ZDHHC14: variants seen among roughly 807,000 people sequenced by gnomAD.
The protein encoded by ZDHHC14 is zDHHC palmitoyltransferase 14, also known as palmitoyltransferase ZDHHC14.
A neutral mutation model predicts 47.7 loss-of-function variants in ZDHHC14; 16 were observed. The observed-to-expected ratio is 0.34, with a 90% CI of 0.23 to 0.51. The LOEUF is 0.51. Among genes scored for constraint, ZDHHC14 ranks in the 20% least tolerant of loss-of-function variants. ZDHHC14 has a pLI of 0.97. For synonymous variants in ZDHHC14, 293 were observed against 278.9 expected (o/e 1.05, Z -0.50); for missense variants, 515 against 662.5 (o/e 0.78, Z 2.44).
At chr6:157,479,186 A>C (rs1779560400) in intron 1 of ZDHHC14, among the ~76,000 whole-genome samples, 1 of 152,218 alleles carries the variant, frequency 6.6e-6, no homozygotes, top group Non-Finnish European at 1.5e-5. Flanking sequence ...GGCAAGTTAC[A>C]TACCCACTCT....
At chr6:157,608,416 C>T (rs942463582) in intron 3 of ZDHHC14, among the ~76,000 whole-genome samples, 10 of 151,910 alleles carry the variant, frequency 6.6e-5, no homozygotes, top group African/African-American at 1.2e-4. Context: ...AGTGACACAA[C>T]GGCAAAGTCC....
intron 1 of ZDHHC14, among the ~76,000 whole-genome samples, chr6:157,487,788 TGGCAGCCTC>T (rs1779818057): frequency 6.6e-6 from 1 of 152,202 alleles, no homozygotes; most frequent in Non-Finnish European, 1.5e-5. Context: ...GGACCCAGAC[TGGCAGCCTC>T]GGCAGCCTCA....
At chr6:157,487,310 C>A (rs1157455233) in intron 1 of ZDHHC14, among the ~76,000 whole-genome samples, 1 of 152,216 alleles carries the variant, frequency 6.6e-6, no homozygotes, top group Non-Finnish European at 1.5e-5. Context: ...TCAGCTGATC[C>A]ATTCTGCTGG....
intron 1 of ZDHHC14, among the ~76,000 whole-genome samples, chr6:157,429,628 A>G (rs1295758701): frequency 6.6e-6 from 1 of 151,670 alleles, no homozygotes; most frequent in Non-Finnish European, 1.5e-5. Context: ...AGGAGGGGAA[A>G]GAAGGAAGGA....
chr6:157,392,878 T>C (rs1030678688), intron 1 of ZDHHC14, among the ~76,000 whole-genome samples: 4 of 152,138 alleles, frequency 2.6e-5, no homozygotes, highest in Non-Finnish European at 5.9e-5. Flanking sequence ...ACAATTTTTT[T>C]TAATTATTTT....
chr6:157,499,844 C>T (rs771647254), intron 1 of ZDHHC14, among the ~76,000 whole-genome samples: 1 of 152,150 alleles, frequency 6.6e-6, no homozygotes, highest in South Asian at 2.1e-4. Context: ...GGAGACAAAT[C>T]GATTGATTGA....
At chr6:157,413,557 ATC>A (rs1250996591) in intron 1 of ZDHHC14, among the ~76,000 whole-genome samples, 2 of 150,492 alleles carry the variant, frequency 1.3e-5, no homozygotes, top group African/African-American at 4.9e-5. Flanking sequence ...TTTTAAAGGT[ATC>A]TCTGTTTTAA....
intron 1 of ZDHHC14, among the ~76,000 whole-genome samples, chr6:157,458,053 T>C (rs1665022529): frequency 1.3e-5 from 2 of 152,234 alleles, no homozygotes; most frequent in South Asian, 2.1e-4. Context: ...CCACTTTCCA[T>C]CCCATACTCT....
At chr6:157,445,111 C>CAA (rs1778636033) in intron 1 of ZDHHC14, among the ~76,000 whole-genome samples, 1 of 132,648 alleles carries the variant, frequency 7.5e-6, no homozygotes, top group Non-Finnish European at 1.6e-5. Context: ...ATATTACACA[C>CAA]ACACACACAC....
At chr6:157,584,397 T>C (rs759910949) in intron 2 of ZDHHC14, among the ~76,000 whole-genome samples, 1 of 152,232 alleles carries the variant, frequency 6.6e-6, no homozygotes, top group African/African-American at 2.4e-5. Flanking sequence ...GCTGCAATGG[T>C]AGGAAAGAAT....
intron 1 of ZDHHC14, among the ~76,000 whole-genome samples, chr6:157,522,246 T>C (rs1392413857): frequency 1.3e-5 from 2 of 152,184 alleles, no homozygotes; most frequent in Non-Finnish European, 2.9e-5. Context: ...TCCTCCCTTC[T>C]AGATACAAAT....
At chr6:157,462,758 A>C (rs962470926) in intron 1 of ZDHHC14, among the ~76,000 whole-genome samples, 3 of 152,208 alleles carry the variant, frequency 2.0e-5, no homozygotes, top group African/African-American at 4.8e-5. Context: ...TCTCTGTTTG[A>C]AGTGCCCAGC....
chr6:157,559,461 A>G (rs1209926710), intron 2 of ZDHHC14, among the ~76,000 whole-genome samples: 2 of 152,242 alleles, frequency 1.3e-5, no homozygotes, highest in East Asian at 3.8e-4. Flanking sequence ...CATTGGCTTT[A>G]GAGCTGAGTT....
chr6:157,583,997 G>A (rs939060038), intron 2 of ZDHHC14, among the ~76,000 whole-genome samples: 1 of 152,026 alleles, frequency 6.6e-6, no homozygotes, highest in Non-Finnish European at 1.5e-5. Flanking sequence ...GGGTCCCAGG[G>A]GAGACAGCCT....
chr6:157,513,165 C>T (rs756792984), intron 1 of ZDHHC14, among the ~76,000 whole-genome samples: 5 of 152,320 alleles, frequency 3.3e-5, no homozygotes, highest in South Asian at 2.1e-4. Context: ...TCAGCTTGTT[C>T]GTGACGTCTC....
intron 1 of ZDHHC14, among the ~76,000 whole-genome samples, chr6:157,412,015 G>T: frequency 7.0e-6 from 1 of 142,740 alleles, no homozygotes; most frequent in Non-Finnish European, 1.5e-5. Context: ...CTCGGCTCAT[G>T]GCAACCTCCA....
At chr6:157,584,676 C>T (rs1350894675) in intron 2 of ZDHHC14, among the ~76,000 whole-genome samples, 1 of 152,174 alleles carries the variant, frequency 6.6e-6, no homozygotes, top group Non-Finnish European at 1.5e-5. Flanking sequence ...AAACAATTGT[C>T]AACGGGCAGC....
chr6:157,498,023 A>G (rs1038838211), intron 1 of ZDHHC14, among the ~76,000 whole-genome samples: 2 of 152,368 alleles, frequency 1.3e-5, no homozygotes, highest in South Asian at 4.1e-4. Context: ...TTAACGTGGA[A>G]AACTCTGCTT....
rs986532266 is a variant in ZDHHC14, at chr6:157,597,143, T to C, written c.565+3997T>C. 6.6e-5 allele frequency among the ~76,000 whole-genome samples: 10 copies of C among 152,276 alleles called. No homozygotes were observed. In the South Asian group the frequency reaches 1.7e-3, roughly 25 times the overall value. On this transcript the variant is annotated intron_variant, in intron 3 of 8. Coordinates refer to ENST00000359775, the MANE Select transcript of ZDHHC14 (RefSeq NM_024630.3). The stretch of plus-strand genomic sequence containing the variant: ...GGTTGTTTATTTATCCAGGCGGGCT[T>C]TGAGGTTACGGAATATTTTTAAACA...
Sources: allele counts gnomAD v4.1 joint callset (sites outside exome capture counted in the v4.1 genomes callset), GRCh38; gene constraint gnomAD v4.1.1; transcripts MANE v1.5; gene names NCBI Gene and HGNC (gene_info 2026-07-23, HGNC 2026-07-21).